The following TBC1D5 variants were observed in gnomAD, a reference collection of about 807,000 sequenced individuals.
TBC1D5 encodes TBC1 domain family, member 5.
In TBC1D5, 75 loss-of-function variants were observed where a neutral mutation model predicts 100.3. The ratio of observed to expected loss-of-function variants is 0.75; its 90% CI spans 0.62 to 0.91. The LOEUF (loss-of-function observed/expected upper bound fraction) is 0.91. Ranked by LOEUF, TBC1D5 falls within the 40% of genes least tolerant of loss-of-function variation. The pLI, the probability that TBC1D5 is intolerant of heterozygous loss-of-function variation, is 0.00. For synonymous variants in TBC1D5, 323 were observed against 325.6 expected, an observed-to-expected ratio of 0.99 and a Z score of 0.09; for missense variants, 910 against 942.4, an observed-to-expected ratio of 0.97 and a Z score of 0.45.
At chr3:17,315,227 G>A (rs1264171384) in intron 13 of TBC1D5, among the ~76,000 whole-genome samples, 1 of 152,180 alleles carries the variant, frequency 6.6e-6, no homozygotes, top group African/African-American at 2.4e-5. Flanking sequence ...GGGACACAAA[G>A]TATCCATAGC....
intron 1 of TBC1D5, among the ~76,000 whole-genome samples, chr3:17,643,716 A>T: frequency 6.6e-6 from 1 of 152,166 alleles, no homozygotes; most frequent in East Asian, 1.9e-4. Flanking sequence ...TAACTCCCTG[A>T]ATCCGATGTC....
chr3:17,314,847 CTAAT>C (rs2150749757), intron 13 of TBC1D5, among the ~76,000 whole-genome samples: 1 of 152,326 alleles, frequency 6.6e-6, no homozygotes, highest in East Asian at 1.9e-4. Context: ...GATGGCTCTT[CTAAT>C]TACAGTAGTG....
In TBC1D5 at chr3:17,539,018, C is replaced by T. The variant is rs145444938; in HGVS notation, c.-35-30413G>A. 9.2e-4 allele frequency among the ~76,000 whole-genome samples: 140 copies of T among 152,216 alleles called. 2 individuals carry two copies. Among genetic ancestry groups the T allele is most frequent in the African/African-American group, 3.1e-3 (129 of 41,542 alleles). On this transcript the variant is annotated intron_variant, in intron 2 of 21. Coordinates refer to ENST00000253692, the Ensembl canonical transcript of TBC1D5. ...CCAACATGGTGAAATCCCATCTCTA[C>T]TAAAAATACAAAAAATTAGCCAGGC... is the stretch of plus-strand genomic sequence containing the variant.
At chr3:17,254,641 T>C (rs939736989) in intron 16 of TBC1D5, among the ~76,000 whole-genome samples, 2 of 152,184 alleles carry the variant, frequency 1.3e-5, no homozygotes, top group Middle Eastern at 3.4e-3. Context: ...TTCTTTTTCT[T>C]AATGGCATAT....
chr3:17,454,268 T>G (rs1383504590), intron 3 of TBC1D5, among the ~76,000 whole-genome samples: 1 of 152,056 alleles, frequency 6.6e-6, no homozygotes, highest in Non-Finnish European at 1.5e-5. Flanking sequence ...ATGTCCAAGC[T>G]TGGACAATCA....
intron 15 of TBC1D5, among the ~76,000 whole-genome samples, chr3:17,288,196 T>C (rs2081357035): frequency 6.6e-6 from 1 of 152,232 alleles, no homozygotes; most frequent in Non-Finnish European, 1.5e-5. Flanking sequence ...TTTATGACTT[T>C]ATAATTGACA....
chr3:17,271,798 G>A (rs997255153), intron 15 of TBC1D5, among the ~76,000 whole-genome samples: 2 of 151,890 alleles, frequency 1.3e-5, no homozygotes, highest in African/African-American at 4.8e-5. Flanking sequence ...GTTTCTCGAG[G>A]GTTTTTTATC....
intron 13 of TBC1D5, among the ~76,000 whole-genome samples, chr3:17,346,952 T>A (rs767293277): frequency 1.3e-5 from 2 of 152,220 alleles, no homozygotes; most frequent in Admixed American, 1.3e-4. Context: ...TATACTTGAA[T>A]ATATGGACTT....
intron 17 of TBC1D5, among the ~76,000 whole-genome samples, chr3:17,219,776 C>T (rs1350344846): frequency 6.6e-6 from 1 of 151,998 alleles, no homozygotes; most frequent in African/African-American, 2.4e-5. Context: ...AGCTAATATG[C>T]CATAAAACTC....
chr3:17,650,550 T>C (rs2065447265), intron 1 of TBC1D5, among the ~76,000 whole-genome samples: 1 of 152,060 alleles, frequency 6.6e-6, no homozygotes, highest in Non-Finnish European at 1.5e-5. Context: ...AAAAAATTCA[T>C]CAGACAGAAG....
At chr3:17,494,275 G>A (rs1390897692) in intron 3 of TBC1D5, among the ~76,000 whole-genome samples, 1 of 152,110 alleles carries the variant, frequency 6.6e-6, no homozygotes, top group Non-Finnish European at 1.5e-5. Context: ...GCAAAGATGG[G>A]CTGCTCCTTC....
intron 13 of TBC1D5, among the ~76,000 whole-genome samples, chr3:17,309,648 C>A (rs1022937672): frequency 4.0e-5 from 6 of 151,618 alleles, no homozygotes; most frequent in African/African-American, 1.5e-4. Context: ...AAAAAAAATA[C>A]TTCTCCACAC....
At chr3:17,320,346 A>G (rs1218607281) in intron 13 of TBC1D5, among the ~76,000 whole-genome samples, 4 of 152,182 alleles carry the variant, frequency 2.6e-5, no homozygotes, top group Non-Finnish European at 4.4e-5. Context: ...ACTCACTCAT[A>G]CCTACTAAAT....
intron 14 of TBC1D5, among the ~76,000 whole-genome samples, chr3:17,301,330 C>T (rs974501048): frequency 1.3e-5 from 2 of 152,090 alleles, no homozygotes; most frequent in Admixed American, 6.5e-5. Context: ...TAAAAGTAGG[C>T]CATGCTTTCT....
At chr3:17,332,460 C>G (rs533685103) in intron 13 of TBC1D5, among the ~76,000 whole-genome samples, 1 of 152,196 alleles carries the variant, frequency 6.6e-6, no homozygotes, top group Admixed American at 6.5e-5. Flanking sequence ...GACTTTAGAT[C>G]TCAGAGAAGC....
chr3:17,601,011 T>G (rs118190515), intron 2 of TBC1D5, among the ~76,000 whole-genome samples: 2,525 of 152,314 alleles, frequency 0.017, 51 homozygotes, highest in South Asian at 0.048. Context: ...CTACTTAGAA[T>G]AATAGCCTTC....
chr3:17,545,542 C>T (rs1376068265), intron 2 of TBC1D5, among the ~76,000 whole-genome samples: 3 of 152,210 alleles, frequency 2.0e-5, no homozygotes, highest in African/African-American at 7.2e-5. Context: ...CTATAAGCAA[C>T]ATACTGCATC....
chr3:17,446,949 C>T (rs1050724922), intron 3 of TBC1D5, among the ~76,000 whole-genome samples: 4 of 148,802 alleles, frequency 2.7e-5, no homozygotes, highest in Non-Finnish European at 4.4e-5. Context: ...CCAGCCTGGG[C>T]GACAGAGCAA....
intron 2 of TBC1D5, among the ~76,000 whole-genome samples, chr3:17,541,550 A>G (rs989905294): frequency 3.9e-5 from 6 of 152,182 alleles, no homozygotes; most frequent in African/African-American, 1.4e-4. Context: ...GTATTCTGCT[A>G]CTTTGCTGAA....
Sources: allele counts gnomAD v4.1 joint callset (sites outside exome capture counted in the v4.1 genomes callset), GRCh38; gene constraint gnomAD v4.1.1; transcripts MANE v1.5; gene names NCBI Gene and HGNC (gene_info 2026-07-23, HGNC 2026-07-21).